Variants in PYROXD1 observed in about 807,000 individuals in gnomAD.
The protein encoded by PYROXD1 is pyridine nucleotide-disulphide oxidoreductase domain 1.
Under a neutral mutation model 62.0 loss-of-function variants are expected in PYROXD1, and 42 were observed. That is an observed-to-expected ratio of 0.68 (90% CI 0.53 to 0.88). PYROXD1 has a LOEUF of 0.88. Ranked by LOEUF, PYROXD1 falls within the 40% of genes least tolerant of loss-of-function variation. PYROXD1 has a pLI of 0.00. For synonymous variants in PYROXD1, 170 were observed against 206.4 expected, an observed-to-expected ratio of 0.82 and a Z score of 1.51; for missense variants, 493 against 604.8, an observed-to-expected ratio of 0.82 and a Z score of 1.94.
At chr12:21,457,947 G>A (rs1471522653) in intron 7 of PYROXD1, among the ~76,000 whole-genome samples, 1 of 146,576 alleles carries the variant, frequency 6.8e-6, no homozygotes, top group Non-Finnish European at 1.5e-5. Context: ...AGGACAGGCA[G>A]GGTAGATGTA....
At chr12:21,464,658 C>T (rs1942758678) in intron 10 of PYROXD1, among the ~76,000 whole-genome samples, 1 of 151,602 alleles carries the variant, frequency 6.6e-6, no homozygotes, top group African/African-American at 2.4e-5. Context: ...GAACCGAGGC[C>T]CAGAAAAGTT....
At chr12:21,438,894 G>A (rs2417980) in intron 1 of PYROXD1, among the ~76,000 whole-genome samples, 74,749 of 151,880 alleles carry the variant, frequency 0.49, 18,445 homozygotes, top group Middle Eastern at 0.59. Flanking sequence ...ATACCATGCT[G>A]GGGACTCACA....
At chr12:21,453,368 C>T (rs1351218020) in intron 5 of PYROXD1, among the ~76,000 whole-genome samples, 1 of 152,048 alleles carries the variant, frequency 6.6e-6, no homozygotes, top group African/African-American at 2.4e-5. Context: ...ATGTTATTCT[C>T]TGACTTGAGG....
At chr12:21,448,311 G>A (rs1019311024) in intron 3 of PYROXD1, 5 of 318,798 alleles carry the variant, frequency 1.6e-5, no homozygotes, top group Admixed American at 5.1e-5. Flanking sequence ...GCTCACTTCC[G>A]TCTGGAGAAG....
intron 8 of PYROXD1, 97 bp downstream of exon 8, chr12:21,461,251 C>A: frequency 1.3e-6 from 1 of 754,314 alleles, no homozygotes; most frequent in Non-Finnish European, 1.9e-6. Flanking sequence ...TTCGTATTTC[C>A]ATATAAAATT....
chr12:21,450,117 C>T (rs1488954067), intron 4 of PYROXD1, among the ~76,000 whole-genome samples: 1 of 150,130 alleles, frequency 6.7e-6, no homozygotes, highest in Non-Finnish European at 1.5e-5. Flanking sequence ...GACCGCCCAC[C>T]TAGGCCTCCC....
chr12:21,466,345 A>G (rs1942793341), intron 10 of PYROXD1, among the ~76,000 whole-genome samples: 1 of 150,970 alleles, frequency 6.6e-6, no homozygotes, highest in South Asian at 2.1e-4. Context: ...TATTTCATTG[A>G]GCAGTGGTTT....
At position 21,470,800 on chromosome 12, in the gene PYROXD1, T is replaced by TAA. The variant is rs1356655726; in HGVS notation, c.*2047_*2048insAA. The TAA allele has an allele frequency of 4.4e-6, 2 of 449,552 alleles. No homozygotes were observed. The highest frequency in any genetic ancestry group is 7.9e-5 in the East Asian group (2 of 25,442). The allele number at this position is 449,552 out of a possible 1,614,324, so 27.8% of individuals were successfully genotyped here. ...AAAGGCCAGTCTAAATTCTTTCACT[T>TAA]ACATCTTTACAGAAAACTATATTTT... On this transcript the variant is annotated 3_prime_UTR_variant, in exon 12 of 12. Coordinates refer to ENST00000240651, the MANE Select transcript of PYROXD1 (RefSeq NM_024854.5).
At chr12:21,464,959 G>C (rs1206758694) in intron 10 of PYROXD1, among the ~76,000 whole-genome samples, 1 of 152,074 alleles carries the variant, frequency 6.6e-6, no homozygotes, top group Non-Finnish European at 1.5e-5. Context: ...TGAGAATAAT[G>C]GTTTCCAGCT....
intron 7 of PYROXD1, chr12:21,456,831 T>G (rs2137271787): frequency 2.2e-6 from 1 of 451,286 alleles, no homozygotes; most frequent in African/African-American, 2.0e-5. Context: ...CTTTACCAAG[T>G]ATATGTAATA....
chr12:21,462,636 A>T, intron 9 of PYROXD1, 104 bp from the exon 10 acceptor site: 1 of 1,280,766 alleles, frequency 7.8e-7, no homozygotes, highest in Non-Finnish European at 1.1e-6. Flanking sequence ...CTCATTAAAG[A>T]TGAGCATGCA....
intron 7 of PYROXD1, chr12:21,456,875 A>G: frequency 4.4e-6 from 2 of 455,518 alleles, no homozygotes; most frequent in South Asian, 1.6e-5. Context: ...CAATACTCAC[A>G]GCATCCTCAC....
In PYROXD1 at chr12:21,471,081, G is replaced by C; in HGVS notation, c.*2327G>C. Reference sequence around the variant, plus strand: ...CAAATACGAAATGGTAGCATAAGCTGTAAAACTGTAGTCTTCTCTGCAGAA... The same window carrying C: ...CAAATACGAAATGGTAGCATAAGCTCTAAAACTGTAGTCTTCTCTGCAGAA... On this transcript the variant is annotated 3_prime_UTR_variant, in exon 12 of 12. Coordinates refer to ENST00000240651, the MANE Select transcript of PYROXD1 (RefSeq NM_024854.5). 6.3e-7 allele frequency: 1 copy of C among 1,590,154 alleles called. No homozygotes were observed. Among genetic ancestry groups the C allele is most frequent in the South Asian group, 1.2e-5 (1 of 86,592 alleles).
intron 5 of PYROXD1, among the ~76,000 whole-genome samples, chr12:21,452,721 T>C (rs1307282674): frequency 6.6e-6 from 1 of 152,116 alleles, no homozygotes; most frequent in Non-Finnish European, 1.5e-5. Context: ...TTGAGAAATA[T>C]CCTGCTGTGT....
At chr12:21,453,574 C>T (rs1043034307) in intron 5 of PYROXD1, among the ~76,000 whole-genome samples, 9 of 152,006 alleles carry the variant, frequency 5.9e-5, no homozygotes, top group East Asian at 3.8e-4. Context: ...TTCACAAAAC[C>T]GTAATATCTC....
At chr12:21,446,164 C>T (rs1366853098) in intron 3 of PYROXD1, among the ~76,000 whole-genome samples, 1 of 152,206 alleles carries the variant, frequency 6.6e-6, no homozygotes, top group African/African-American at 2.4e-5. Context: ...TGGCTCACGC[C>T]TGTAATCCCA....
At chr12:21,467,361 G>A (rs1191791382) in intron 10 of PYROXD1, 120 bp from the exon 11 acceptor site, 3 of 892,402 alleles carry the variant, frequency 3.4e-6, no homozygotes, top group Admixed American at 5.8e-5. Context: ...CTGCTTCTGT[G>A]GCAAAGATGA....
chr12:21,442,363 A>G (rs1293907082), intron 2 of PYROXD1, among the ~76,000 whole-genome samples: 1 of 152,200 alleles, frequency 6.6e-6, no homozygotes, highest in African/African-American at 2.4e-5. Flanking sequence ...GCAGCCAGGG[A>G]AACCAAGAAT....
chr12:21,464,247 T>C lies in PYROXD1; in HGVS notation c.1116+1385T>C, dbSNP rs186837857. ...AATAAACAGATGGCCTTGTTTTGAG[T>C]GCACCTTATAGGCCCCATTTCTTGG... is the stretch of plus-strand genomic sequence containing the variant. On this transcript the variant is annotated intron_variant, in intron 10 of 11. Coordinates refer to ENST00000240651, the MANE Select transcript of PYROXD1 (RefSeq NM_024854.5). Among the ~76,000 whole-genome samples the C allele has an allele frequency of 4.3e-4, 65 of 152,052 alleles. 1 individual carries two copies. Among genetic ancestry groups the C allele is most frequent in the Non-Finnish European group, 4.4e-5 (3 of 67,988 alleles).
Sources: gnomAD v4.1 joint callset for allele counts (sites outside exome capture counted in the v4.1 genomes callset) on GRCh38, gnomAD v4.1.1 for gene constraint, MANE v1.5 for transcripts, NCBI Gene and HGNC (gene_info 2026-07-23, HGNC 2026-07-21) for gene names.